The following KCNC3 variants were observed in gnomAD, a reference collection of about 807,000 sequenced individuals.
KCNC3 encodes the protein potassium voltage-gated channel subfamily C member 3.
KCNC3 carries 22 observed loss-of-function variants against 43.9 expected under a neutral mutation model. That is an observed-to-expected ratio of 0.50 (90% CI 0.36 to 0.72). The LOEUF is 0.72. Among genes scored for constraint, KCNC3 ranks in the 30% least tolerant of loss-of-function variants. The probability of loss-of-function intolerance (pLI) is 0.00; values close to 1 mark genes in which losing one functional copy is unlikely to be tolerated. For synonymous variants in KCNC3, 492 were observed against 488.0 expected, an observed-to-expected ratio of 1.01 and a Z score of -0.11; for missense variants, 829 against 1,073.8, an observed-to-expected ratio of 0.77 and a Z score of 3.19.
intron 1 of KCNC3, among the ~76,000 whole-genome samples, chr19:50,325,693 A>T (rs944571632): frequency 6.6e-6 from 1 of 151,944 alleles, no homozygotes; most frequent in Non-Finnish European, 1.5e-5. Context: ...GCGCGGCGCT[A>T]GCTGCGGCAC....
rs1246007661 is a variant in KCNC3 at position 50,312,690 on chromosome 19, G to A, written c.*3425C>T. ...TACGTGTGGCGGACTGGCGAGCAGGGGGAGACGTTGGGAAGAGGTCAGTAC... is the reference window on the plus strand; with the variant it reads ...TACGTGTGGCGGACTGGCGAGCAGGAGGAGACGTTGGGAAGAGGTCAGTAC... On this transcript the variant is annotated 3_prime_UTR_variant, in exon 5 of 5. Transcript: ENST00000477616. 1 of 152,224 alleles carries A rather than the reference G, an allele frequency of 6.6e-6. No homozygotes were observed. Among genetic ancestry groups the A allele is most frequent in the Non-Finnish European group, 1.5e-5 (1 of 68,068 alleles). 9.4% of individuals were successfully genotyped at this position (152,224 alleles called of 1,614,324 possible).
chr19:50,318,364 G>A (rs937900182), intron 4 of KCNC3, among the ~76,000 whole-genome samples: 2 of 151,082 alleles, frequency 1.3e-5, no homozygotes, highest in Non-Finnish European at 3.0e-5. Flanking sequence ...TAGTAGAGAT[G>A]GGGTTTCACC....
intron 4 of KCNC3, 52 bp from the exon 5 acceptor site, chr19:50,316,143 GA>G: frequency 2.5e-6 from 1 of 405,186 alleles, no homozygotes; most frequent in Non-Finnish European, 4.5e-6. Flanking sequence ...ATGGTCAGGG[GA>G]AACCCCCCAA....
chr19:50,317,400 C>A (rs543794401), intron 4 of KCNC3, among the ~76,000 whole-genome samples: 1 of 152,212 alleles, frequency 6.6e-6, no homozygotes, highest in South Asian at 2.1e-4. Context: ...GGAAGCCCCC[C>A]AGGTTCCCCT....
rs1004262276 is a variant in KCNC3, at chr19:50,324,535, G to A, written c.871-453C>T. On this transcript the variant is annotated intron_variant, in intron 1 of 4. Transcript: ENST00000477616. The surrounding 1 kb of genome is among the most constrained non-coding windows in gnomAD (Gnocchi z 4.1). The stretch of plus-strand genomic sequence containing the variant: ...GGGCTCAGCTTGGAGCTGGGCAGAC[G>A]GGAAGGGAGAAGGCGGGCAGGGAGG... Among the ~76,000 whole-genome samples the A allele has an allele frequency of 6.6e-6, 1 of 152,068 alleles. No homozygotes were observed. Among genetic ancestry groups the A allele is most frequent in the East Asian group, 1.9e-4 (1 of 5,158 alleles).
rs184570672 is a variant in KCNC3 at position 50,315,165 on chromosome 19, G to A, written c.*950C>T. 1.3e-5 allele frequency among the ~76,000 whole-genome samples: 2 copies of A among 152,244 alleles called. No homozygotes were observed. The highest frequency in any genetic ancestry group is 4.8e-5 in the African/African-American group (2 of 41,518). ...AAGGCAAGACAGACAGAGTCAGGCA[G>A]ACAGAGACACAAAAGGACGGATGAC... is the stretch of plus-strand genomic sequence containing the variant. On this transcript the variant is annotated 3_prime_UTR_variant, in exon 5 of 5. Coordinates refer to ENST00000477616, the MANE Select transcript of KCNC3 (RefSeq NM_004977.3).
intron 4 of KCNC3, among the ~76,000 whole-genome samples, chr19:50,317,509 A>T (rs1243916491): frequency 6.6e-6 from 1 of 152,066 alleles, no homozygotes; most frequent in East Asian, 1.9e-4. Context: ...TGCATGATGG[A>T]TCACATACCT....
chr19:50,325,806 G>T (rs1252297330), intron 1 of KCNC3, among the ~76,000 whole-genome samples: 4 of 152,124 alleles, frequency 2.6e-5, no homozygotes, highest in Non-Finnish European at 5.9e-5. Flanking sequence ...GCTAGGGGCC[G>T]TCTTAACCCC....
At chr19:50,317,539 G>A (rs1249939142) in intron 4 of KCNC3, among the ~76,000 whole-genome samples, 17 of 152,038 alleles carry the variant, frequency 1.1e-4, no homozygotes, top group Non-Finnish European at 1.5e-5. Flanking sequence ...TTCCCTTCAC[G>A]TTTAAGATAA....
In KCNC3 at chr19:50,320,280, A is replaced by G; in HGVS notation, c.2240T>C (p.Leu747Pro). ...TATCCAGGCCGCGGCGTTGGCGTTG[A>G]GGTCGGGCAAGAAGCTTGGGGGGCC... Reference protein sequence around the residue: ...KPGPPSFLPDLNANAAAWISP With the variant: ...KPGPPSFLPDPNANAAAWISP Residue 747 changes from leucine to proline, a missense_variant, in exon 4 of 5, where the codon CTC (leucine) becomes CCC (proline). Coordinates refer to ENST00000477616, the MANE Select transcript of KCNC3 (RefSeq NM_004977.3). 2 of 926,488 alleles carry G rather than the reference A, an allele frequency of 2.2e-6. No individual in the cohort carries two copies. The highest frequency in any genetic ancestry group is 2.8e-6 in the Non-Finnish European group (2 of 705,812). 57.4% of individuals were successfully genotyped at this position (926,488 alleles called of 1,614,324 possible).
chr19:50,322,742 C>A (rs2037049192), intron 2 of KCNC3, among the ~76,000 whole-genome samples: 1 of 152,198 alleles, frequency 6.6e-6, no homozygotes, highest in Non-Finnish European at 1.5e-5. Flanking sequence ...TCTGCCTCGC[C>A]AGCCCCTCTG....
At chr19:50,332,870 G>C (rs2037203051), upstream of KCNC3, among the ~76,000 whole-genome samples, 1 of 151,896 alleles carries the variant, frequency 6.6e-6, no homozygotes, top group Non-Finnish European at 1.5e-5. This position sits in a 1 kb window ranked among gnomAD's most constrained non-coding sequence, Gnocchi z 5.8. Flanking sequence ...CATTACCCCA[G>C]GCCCTGGAAT....
intron 4 of KCNC3, among the ~76,000 whole-genome samples, chr19:50,319,044 G>A (rs564279487): frequency 6.6e-6 from 1 of 151,280 alleles, no homozygotes; most frequent in South Asian, 2.1e-4. Flanking sequence ...TGAATGAATG[G>A]ATTGAATACA....
intron 3 of KCNC3, 67 bp from the exon 4 acceptor site, chr19:50,320,416 C>T: frequency 1.7e-6 from 1 of 601,176 alleles, no homozygotes; most frequent in Non-Finnish European, 2.9e-6. Flanking sequence ...GGTGAAGGGT[C>T]AGTGGTGAGG....
intron 4 of KCNC3, among the ~76,000 whole-genome samples, chr19:50,317,808 TCCC>T (rs2036975959): frequency 6.6e-6 from 1 of 152,142 alleles, no homozygotes; most frequent in Non-Finnish European, 1.5e-5. Context: ...CTCCTTTTCT[TCCC>T]CCAGAGATGG....
rs1329330380 is a variant in KCNC3, at chr19:50,327,888, C to T, written c.870+325G>A. Among the ~76,000 whole-genome samples the T allele has an allele frequency of 4.0e-5, 6 of 150,788 alleles. No individual in the cohort carries two copies. In the East Asian group the frequency reaches 7.9e-4, roughly 20 times the overall value. On this transcript the variant is annotated intron_variant, in intron 1 of 4. Transcript: ENST00000477616. ...CAGAGGAGCCCAGGAAAGGTGGGGA[C>T]CGGGTTGTTCAGAGAAGCACGGGAG... is the stretch of plus-strand genomic sequence containing the variant.
rs2037061330 is a variant in KCNC3, at chr19:50,323,391, GCCCCGACCAGCAT to G, written c.1549_1561del (p.Met517ArgfsTer9). 1 of 1,614,160 alleles carries G rather than the reference GCCCCGACCAGCAT, an allele frequency of 6.2e-7. No homozygotes were observed. The highest frequency in any genetic ancestry group is 8.5e-7 in the Non-Finnish European group (1 of 1,180,026). On this transcript the variant is annotated frameshift_variant, in exon 2 of 5. Coordinates refer to ENST00000477616, the MANE Select transcript of KCNC3 (RefSeq NM_004977.3). LOFTEE classifies it high-confidence loss of function. ...CAGCACCCCCGCCAGGGCACACAGC[GCCCCGACCAGCAT>G]CCCCGACCACGTCTTGGGGTACATG... is the stretch of plus-strand genomic sequence containing the variant.
Position 50,328,035 on chromosome 19 carries a change from G to A in KCNC3, c.870+178C>T, listed in dbSNP as rs1368357104. ...CCGTCTTTGGAGGATCTGGGGGATG[G>A]CTGCGAGAGGGGGGTGTGTTCGGAG... On this transcript the variant is annotated intron_variant, in intron 1 of 4. Transcript: ENST00000477616. Among the ~76,000 whole-genome samples, 9 of 150,726 alleles carry A rather than the reference G, an allele frequency of 6.0e-5. No homozygotes were observed. The East Asian group carries it at 1.2e-3, about 20-fold the overall frequency.
chr19:50,329,887 G>C (rs78976764), upstream of KCNC3: 2,226 of 152,646 alleles, frequency 0.015, 58 homozygotes, highest in African/African-American at 0.051. Context: ...CTCCAAGGCG[G>C]GCCTGGTTAG....
Sources: gnomAD v4.1 joint callset for allele counts (sites outside exome capture counted in the v4.1 genomes callset) on GRCh38, gnomAD v4.1.1 for gene constraint, Gnocchi (gnomAD v3.1) non-coding constraint, MANE v1.5 for transcripts, NCBI Gene and HGNC (gene_info 2026-07-23, HGNC 2026-07-21) for gene names.